Variants in ATP8A2 observed in about 807,000 individuals in gnomAD.
ATP8A2 encodes ATPase phospholipid transporting 8A2.
ATP8A2 carries 100 observed loss-of-function variants against 165.6 expected under a neutral mutation model. The ratio of observed to expected loss-of-function variants is 0.60; its 90% confidence interval spans 0.51 to 0.71. The LOEUF (loss-of-function observed/expected upper bound fraction) is 0.71. ATP8A2 is among the 30% of genes least tolerant of loss of function. ATP8A2 has a pLI of 0.00. For synonymous variants in ATP8A2, 543 were observed against 548.8 expected (o/e 0.99, Z 0.15); for missense variants, 1,227 against 1,479.5 (o/e 0.83, Z 2.80).
intron 24 of ATP8A2, among the ~76,000 whole-genome samples, chr13:25,595,711 A>T (rs190155135): frequency 1.3e-5 from 2 of 152,292 alleles, no homozygotes; most frequent in African/African-American, 4.8e-5. Context: ...CATAGGTGGT[A>T]GTCTCTTTGT....
At chr13:25,663,577 G>A (rs918015708) in intron 24 of ATP8A2, among the ~76,000 whole-genome samples, 7 of 152,150 alleles carry the variant, frequency 4.6e-5, no homozygotes, top group Admixed American at 1.3e-4. Context: ...AGTTGCATCC[G>A]ACATTATCTG....
intron 17 of ATP8A2, among the ~76,000 whole-genome samples, chr13:25,571,167 C>A (rs1339032629): frequency 6.6e-6 from 1 of 152,212 alleles, no homozygotes; most frequent in Non-Finnish European, 1.5e-5. Flanking sequence ...GAGCTGGCTT[C>A]TTCCTCATCC....
intron 35 of ATP8A2, among the ~76,000 whole-genome samples, chr13:25,974,683 C>T (rs1955989208): frequency 6.6e-6 from 1 of 152,122 alleles, no homozygotes; most frequent in African/African-American, 2.4e-5. Context: ...CACTCCTCCC[C>T]AGAACCAGCC....
At chr13:25,914,710 A>G (rs888865207) in intron 33 of ATP8A2, among the ~76,000 whole-genome samples, 3 of 152,154 alleles carry the variant, frequency 2.0e-5, no homozygotes, top group Non-Finnish European at 4.4e-5. Context: ...CTGTCACTGC[A>G]CAGACAATTG....
chr13:25,806,962 C>T (rs117449589), intron 27 of ATP8A2, among the ~76,000 whole-genome samples: 3 of 152,134 alleles, frequency 2.0e-5, no homozygotes, highest in East Asian at 3.9e-4. Flanking sequence ...GGTTATTAGC[C>T]GTTTATATAT....
At chr13:25,423,868 G>A (rs2034368064) in intron 1 of ATP8A2, among the ~76,000 whole-genome samples, 1 of 152,128 alleles carries the variant, frequency 6.6e-6, no homozygotes, top group African/African-American at 2.4e-5. Context: ...GAATCTACAA[G>A]CCAGTGAACA....
At chr13:25,550,029 G>A (rs2038771223) in intron 10 of ATP8A2, among the ~76,000 whole-genome samples, 1 of 152,158 alleles carries the variant, frequency 6.6e-6, no homozygotes, top group Non-Finnish European at 1.5e-5. Context: ...CTCAGGTCAG[G>A]CATGGTGGCT....
At chr13:25,904,053 A>AT (rs750265002) in intron 33 of ATP8A2, among the ~76,000 whole-genome samples, 1 of 151,998 alleles carries the variant, frequency 6.6e-6, no homozygotes, top group Non-Finnish European at 1.5e-5. Context: ...TCGGATTTTG[A>AT]TTTTTTCAGA....
intron 14 of ATP8A2, among the ~76,000 whole-genome samples, chr13:25,559,312 T>A (rs1033946665): frequency 6.6e-6 from 1 of 152,114 alleles, no homozygotes; most frequent in African/African-American, 2.4e-5. Flanking sequence ...GCAGGTGGAT[T>A]GCCTGAGGTT....
chr13:25,804,273 G>A (rs962992196), intron 27 of ATP8A2, among the ~76,000 whole-genome samples: 1 of 152,144 alleles, frequency 6.6e-6, no homozygotes, highest in Non-Finnish European at 1.5e-5. Context: ...CTGTGAAGGA[G>A]TGTTACCAAA....
intron 1 of ATP8A2, among the ~76,000 whole-genome samples, chr13:25,401,692 G>A (rs577923750): frequency 3.9e-5 from 6 of 152,094 alleles, no homozygotes; most frequent in East Asian, 1.9e-4. Flanking sequence ...AGTAGGTACC[G>A]GAAACCTCGG....
At chr13:25,829,669 TA>T (rs1366819006) in intron 28 of ATP8A2, among the ~76,000 whole-genome samples, 1 of 2,642 alleles carries the variant, frequency 3.8e-4, no homozygotes, top group Non-Finnish European at 8.6e-4. Context: ...ACAGGTGTGG[TA>T]TATATATATA....
chr13:25,982,489 TC>T (rs771690442), intron 35 of ATP8A2, among the ~76,000 whole-genome samples: 2 of 152,224 alleles, frequency 1.3e-5, no homozygotes, highest in Non-Finnish European at 2.9e-5. Context: ...CTAAAGATAT[TC>T]TGTACACTGG....
chr13:25,888,696 C>T (rs1953251657), intron 33 of ATP8A2, among the ~76,000 whole-genome samples: 1 of 152,146 alleles, frequency 6.6e-6, no homozygotes, highest in African/African-American at 2.4e-5. Context: ...CCCATCTCTA[C>T]TAAAAATTCA....
At chr13:25,680,463 G>A (rs2042462886) in intron 24 of ATP8A2, among the ~76,000 whole-genome samples, 1 of 152,190 alleles carries the variant, frequency 6.6e-6, no homozygotes, top group Admixed American at 6.5e-5. Flanking sequence ...CCCAGGAGCT[G>A]TGAGAGAGTA....
At chr13:25,798,628 G>T (rs1950546607) in intron 27 of ATP8A2, among the ~76,000 whole-genome samples, 1 of 152,164 alleles carries the variant, frequency 6.6e-6, no homozygotes, top group Non-Finnish European at 1.5e-5. Context: ...TTTGAAGGAG[G>T]TGGGGATGTT....
At chr13:25,823,996 A>T (rs1951245437) in intron 27 of ATP8A2, among the ~76,000 whole-genome samples, 1 of 151,886 alleles carries the variant, frequency 6.6e-6, no homozygotes, top group Non-Finnish European at 1.5e-5. Flanking sequence ...TTTGAGGCAG[A>T]GTCTTGCTCT....
chr13:25,527,421 G>A (rs142092738), intron 2 of ATP8A2, among the ~76,000 whole-genome samples: 3 of 152,270 alleles, frequency 2.0e-5, no homozygotes, highest in Non-Finnish European at 2.9e-5. Flanking sequence ...TGGTGTGTTC[G>A]AGAAGTACCA....
At chr13:25,619,102 G>GC (rs1170553447) in intron 24 of ATP8A2, among the ~76,000 whole-genome samples, 10 of 152,208 alleles carry the variant, frequency 6.6e-5, no homozygotes, top group African/African-American at 2.2e-4. Flanking sequence ...CTGAAGGAGA[G>GC]CAGGAACTCA....
Sources: gnomAD v4.1 joint callset for allele counts (sites outside exome capture counted in the v4.1 genomes callset) on GRCh38, gnomAD v4.1.1 for gene constraint, MANE v1.5 for transcripts, NCBI Gene and HGNC (gene_info 2026-07-23, HGNC 2026-07-21) for gene names.